The following RGS12 variants were observed in gnomAD, a reference collection of about 807,000 sequenced individuals.
RGS12 encodes the protein regulator of G protein signaling 12.
In RGS12, 66 loss-of-function variants were observed where a neutral mutation model predicts 120.1. The observed-to-expected ratio is 0.55, with a 90% CI of 0.45 to 0.67. The LOEUF (loss-of-function observed/expected upper bound fraction) is 0.67, where lower values mean the gene tolerates loss of function less well. RGS12 is among the 30% of genes least tolerant of loss of function. The pLI is 0.00. For synonymous variants in RGS12, 827 were observed against 804.7 expected (o/e 1.03, Z -0.47); for missense variants, 1,859 against 1,957.7 (o/e 0.95, Z 0.95).
chr4:3,432,915 C>A (rs112220249), intron 17 of RGS12, among the ~76,000 whole-genome samples: 2 of 152,212 alleles, frequency 1.3e-5, no homozygotes, highest in South Asian at 4.1e-4. Flanking sequence ...CACAGGACAA[C>A]TGCTGAGGAC....
chr4:3,400,513 G>A (rs1229920284), intron 4 of RGS12, among the ~76,000 whole-genome samples: 1 of 151,836 alleles, frequency 6.6e-6, no homozygotes, highest in Admixed American at 6.6e-5. Context: ...GGAGGCCAAA[G>A]GAGCATCTAA....
chr4:3,305,540 C>T (rs905232522), intron 1 of RGS12, among the ~76,000 whole-genome samples: 1 of 152,196 alleles, frequency 6.6e-6, no homozygotes, highest in Non-Finnish European at 1.5e-5. Flanking sequence ...TAGAGAGACA[C>T]GCCGTCAGCT....
At position 3,428,138 on chromosome 4, in the gene RGS12, T is replaced by G; in HGVS notation, c.3380T>G (p.Val1127Gly). Residue 1127 changes from valine (V) to glycine (G), a missense_variant, in exon 15 of 18, where the codon GTA becomes GGA. Transcript: ENST00000336727. Reference sequence around the variant, plus strand: ...GTGCCAGTGAAACAGAACACAGCTGTAAATTCCAGCTCCAGAAACCACTCG... The same window carrying G: ...GTGCCAGTGAAACAGAACACAGCTGGAAATTCCAGCTCCAGAAACCACTCG... ...KGVPVKQNTA[V>G]NSSSRNHSAT... 4.3e-6 allele frequency: 7 copies of G among 1,613,704 alleles called. No individual in the cohort carries two copies. The highest frequency in any genetic ancestry group is 5.1e-6 in the Non-Finnish European group (6 of 1,179,816).
At chr4:3,344,965 G>A (rs1302025384) in intron 3 of RGS12, among the ~76,000 whole-genome samples, 3 of 152,234 alleles carry the variant, frequency 2.0e-5, no homozygotes, top group Admixed American at 6.5e-5. Flanking sequence ...TGAGCCCATC[G>A]TCCTGAATAA....
chr4:3,316,228 G>A lies in RGS12; in HGVS notation c.58G>A (p.Val20Met). 2 of 1,611,548 alleles carry A rather than the reference G, an allele frequency of 1.2e-6. No homozygotes were observed. The highest frequency in any genetic ancestry group is 8.5e-7 in the Non-Finnish European group (1 of 1,178,540). The change falls in exon 2 of 18, where the codon GTG (valine) becomes ATG (methionine). Residue 20 changes from valine to methionine, a missense_variant. Physicochemically the swap from Val to Met is conservative, Grantham distance 21. Around this residue, in one of 3 missense-constraint regions of RGS12, gnomAD observed 967 missense variants for 994.2 expected, o/e 0.97. Transcript: ENST00000336727. ...ATTGCCTGGGCCGTCGCCCCCAAGG[G>A]TGCGGAGTGTGGAGGTTGCCCGGGG... Reference protein sequence around the residue: ...RPLPGPSPPRVRSVEVARGRA... With the variant: ...RPLPGPSPPRMRSVEVARGRA...
At chr4:3,354,781 A>T (rs1364978277) in intron 3 of RGS12, among the ~76,000 whole-genome samples, 1 of 152,230 alleles carries the variant, frequency 6.6e-6, no homozygotes, top group Admixed American at 6.5e-5. Flanking sequence ...TTCAGTGTAT[A>T]CATTAGAAGG....
intron 2 of RGS12, among the ~76,000 whole-genome samples, chr4:3,334,862 G>T (rs1712272579): frequency 6.6e-6 from 1 of 152,058 alleles, no homozygotes; most frequent in South Asian, 2.1e-4. Flanking sequence ...TGATGTGTTG[G>T]GTGACTGGCA....
chr4:3,386,280 C>A (rs1379193787), intron 3 of RGS12, 136 bp from the exon 4 acceptor site: 3 of 820,248 alleles, frequency 3.7e-6, no homozygotes, highest in East Asian at 2.5e-5. Context: ...CTGGCTTTCC[C>A]GGGACACCTC....
intron 3 of RGS12, among the ~76,000 whole-genome samples, chr4:3,367,385 G>C (rs987214124): frequency 6.6e-6 from 1 of 152,272 alleles, no homozygotes; most frequent in Non-Finnish European, 1.5e-5. Flanking sequence ...ATGATCGGGT[G>C]CTCCCGCCTT....
chr4:3,386,549 C>G, intron 4 of RGS12, 112 bp downstream of exon 4: 1 of 939,728 alleles, frequency 1.1e-6, no homozygotes, highest in Non-Finnish European at 1.7e-6. Flanking sequence ...TTGCCTTTCC[C>G]TGTCTCCTTG....
Position 3,417,620 on chromosome 4 carries a change from C to T in RGS12, c.2761+79C>T, listed in dbSNP as rs577692673. 1,032 of 1,516,496 alleles carry T rather than the reference C, an allele frequency of 6.8e-4. 26 individuals carry two copies. In the South Asian group the frequency reaches 0.011, roughly 16 times the overall value. The allele number at this position is 1,516,496 out of a possible 1,614,324, so 93.9% of individuals were successfully genotyped here. ...GTCCTGGCGTCGCTCTGGTGGTTGG[C>T]GGTGACCTTGGGCCATGTGTGCAGT... On this transcript the variant is annotated intron_variant, in intron 9 of 17. Coordinates refer to ENST00000336727, the MANE Select transcript of RGS12 (RefSeq NM_001394154.1).
chr4:3,396,494 G>C (rs536678175), intron 4 of RGS12, among the ~76,000 whole-genome samples: 1 of 152,120 alleles, frequency 6.6e-6, no homozygotes, highest in Admixed American at 6.5e-5. Flanking sequence ...TTTCTACATG[G>C]TATTCAGTTG....
At chr4:3,364,944 G>C (rs979574266) in intron 3 of RGS12, among the ~76,000 whole-genome samples, 1 of 152,094 alleles carries the variant, frequency 6.6e-6, no homozygotes, top group African/African-American at 2.4e-5. Context: ...GGGACCCAGA[G>C]GGGTGCACCC....
chr4:3,333,861 G>T (rs1342483556), intron 2 of RGS12, among the ~76,000 whole-genome samples: 1 of 152,198 alleles, frequency 6.6e-6, no homozygotes, highest in Non-Finnish European at 1.5e-5. Flanking sequence ...TTAATCTGTA[G>T]CTCAGTTTGA....
intron 4 of RGS12, among the ~76,000 whole-genome samples, chr4:3,411,004 A>C (rs925920201): frequency 7.9e-5 from 12 of 152,170 alleles, no homozygotes; most frequent in African/African-American, 2.9e-4. Context: ...TGTGCCGTGC[A>C]CTGTATCAGT....
intron 2 of RGS12, among the ~76,000 whole-genome samples, chr4:3,340,528 G>A (rs1009345581): frequency 2.0e-5 from 3 of 152,228 alleles, no homozygotes; most frequent in African/African-American, 4.8e-5. Flanking sequence ...GGACACGGAC[G>A]CCAGCCTAAG....
intron 3 of RGS12, among the ~76,000 whole-genome samples, chr4:3,367,571 C>T (rs1175951799): frequency 6.6e-6 from 1 of 152,384 alleles, no homozygotes; most frequent in South Asian, 2.1e-4. Flanking sequence ...CCAGAATCTT[C>T]TGGGGATGTG....
In RGS12 at chr4:3,414,795, G is replaced by T; in HGVS notation, c.2234G>T (p.Trp745Leu). 1 of 1,613,664 alleles carries T rather than the reference G, an allele frequency of 6.2e-7. No homozygotes were observed. The highest frequency in any genetic ancestry group is 8.5e-7 in the Non-Finnish European group (1 of 1,179,660). ...TTCAGTGAAGAAAACATTTTATTCT[G>T]GCAGGCCTGTGAATATTTTAATCAT... is the stretch of plus-strand genomic sequence containing the variant. Reference protein sequence around the residue: ...KEFSEENILFWQACEYFNHVP... With the variant: ...KEFSEENILFLQACEYFNHVP... Residue 745 changes from tryptophan to leucine, a missense_variant, in exon 6 of 18, where the codon TGG becomes TTG. Trp to Leu is a moderately conservative substitution (Grantham distance 61). This residue lies in a region of RGS12 where 375 missense variants were observed against 475.0 expected (regional missense o/e 0.79). Coordinates refer to ENST00000336727, the MANE Select transcript of RGS12 (RefSeq NM_001394154.1).
intron 7 of RGS12, among the ~76,000 whole-genome samples, chr4:3,416,341 T>C (rs1025292134): frequency 2.0e-5 from 3 of 152,162 alleles, no homozygotes; most frequent in Admixed American, 6.5e-5. Context: ...CCCGAACCAC[T>C]GCGTGTCTGT....
Sources: allele counts gnomAD v4.1 joint callset (sites outside exome capture counted in the v4.1 genomes callset), GRCh38; gene constraint gnomAD v4.1.1; regional missense constraint gnomAD v4.1.1; transcripts MANE v1.5; gene names NCBI Gene and HGNC (gene_info 2026-07-23, HGNC 2026-07-21).